The following GMNC variants were observed in gnomAD, a reference collection of about 807,000 sequenced individuals.
The protein encoded by GMNC is geminin coiled-coil domain containing.
GMNC carries 16 observed loss-of-function variants against 33.6 expected under a neutral mutation model. The observed-to-expected ratio is 0.48, with a 90% CI of 0.32 to 0.72. The LOEUF is 0.72. GMNC is among the 30% of genes least tolerant of loss of function. The pLI, the probability that GMNC is intolerant of heterozygous loss-of-function variation, is 0.03. For synonymous variants in GMNC, 156 were observed against 147.3 expected (o/e 1.06, Z -0.43); for missense variants, 393 against 388.9 (o/e 1.01, Z -0.09).
chr3:190,846,727 C>T, the GMNC span, among the ~76,000 whole-genome samples: 1 of 152,210 alleles, frequency 6.6e-6, no homozygotes, highest in African/African-American at 2.4e-5. Context: ...TCACTCTCAA[C>T]AGCCACTTGT....
chr3:190,861,233 T>C lies in GMNC; in HGVS notation c.4-375A>G, dbSNP rs1350686933. 2.0e-5 allele frequency among the ~76,000 whole-genome samples: 3 copies of C among 152,318 alleles called. No homozygotes were observed. The highest frequency in any genetic ancestry group is 3.9e-4 in the East Asian group (2 of 5,182). On this transcript the variant is annotated intron_variant, in intron 1 of 4. Coordinates refer to ENST00000442080, the MANE Select transcript of GMNC (RefSeq NM_001146686.3). The surrounding 1 kb of genome is among the most constrained non-coding windows in gnomAD (Gnocchi z 5.1). ...AATGATTCAAAACCATAAGAACTATTTGGTTCTTTCTGCAAATACCTTAAT... is the reference window on the plus strand; with the variant it reads ...AATGATTCAAAACCATAAGAACTATCTGGTTCTTTCTGCAAATACCTTAAT...
chr3:190,851,761 C>G (rs1476892818), downstream of GMNC, among the ~76,000 whole-genome samples: 1 of 151,920 alleles, frequency 6.6e-6, no homozygotes, highest in South Asian at 2.1e-4. Context: ...TTCGTTGCTC[C>G]ATTCGCTAAA....
chr3:190,843,292 T>C, the GMNC span, among the ~76,000 whole-genome samples: 8 of 152,060 alleles, frequency 5.3e-5, no homozygotes, highest in African/African-American at 1.7e-4. Flanking sequence ...ACAGTAGTCA[T>C]ACAATGGAAA....
chr3:190,845,150 C>A, the GMNC span, among the ~76,000 whole-genome samples: 1 of 152,156 alleles, frequency 6.6e-6, no homozygotes, highest in Non-Finnish European at 1.5e-5. Flanking sequence ...ACTTCCAAAT[C>A]AACCCTGAAA....
chr3:190,850,942 G>C (rs1472923175), downstream of GMNC, among the ~76,000 whole-genome samples: 1 of 150,994 alleles, frequency 6.6e-6, no homozygotes, highest in Non-Finnish European at 1.5e-5. Context: ...TTTAAAGTGA[G>C]TGAAGTTTAT....
chr3:190,846,680 C>T, the GMNC span, among the ~76,000 whole-genome samples: 18 of 152,138 alleles, frequency 1.2e-4, no homozygotes, highest in African/African-American at 4.1e-4. Flanking sequence ...CAGTTCATCT[C>T]AAAAAGCCTA....
At position 190,855,564 on chromosome 3, in the gene GMNC, T is replaced by C. The variant is rs1737714075; in HGVS notation, c.736A>G (p.Arg246Gly). 1 of 1,551,614 alleles carries C rather than the reference T, an allele frequency of 6.4e-7. No homozygotes were observed. Among genetic ancestry groups the C allele is most frequent in the Non-Finnish European group, 8.7e-7 (1 of 1,146,908 alleles). ...IPREDMPIDY[R>G]GDRTTPLHST... ...TGCAAGGGGGTTGTTCTGTCACCTC[T>C]ATAGTCAATTGGCATATCCTCTCTG... Residue 246 changes from arginine (R) to glycine (G), a missense_variant, in exon 5 of 5, where the codon AGA (arginine) becomes GGA (glycine). Arg to Gly is a moderately radical substitution (Grantham distance 125). Transcript: ENST00000442080.
downstream of GMNC, among the ~76,000 whole-genome samples, chr3:190,851,970 T>C (rs992071180): frequency 1.6e-4 from 25 of 151,944 alleles, no homozygotes; most frequent in African/African-American, 6.0e-4. Context: ...AAACTGGATG[T>C]CTGGTTATGT....
downstream of GMNC, among the ~76,000 whole-genome samples, chr3:190,849,901 T>C (rs1737607840): frequency 6.6e-6 from 1 of 152,206 alleles, no homozygotes; most frequent in Non-Finnish European, 1.5e-5. Flanking sequence ...AGGTATAAAA[T>C]TTATTTTCCG....
chr3:190,856,058 C>G (rs1341094066), intron 4 of GMNC, 143 bp from the exon 5 acceptor site: 3 of 620,276 alleles, frequency 4.8e-6, no homozygotes, highest in Middle Eastern at 8.7e-4. Flanking sequence ...TCTGTGATGA[C>G]AAGTTACTGC....
chr3:190,856,459 GAATA>G (rs1225494861), intron 4 of GMNC, among the ~76,000 whole-genome samples: 10 of 111,812 alleles, frequency 8.9e-5, no homozygotes, highest in Non-Finnish European at 1.6e-4. Flanking sequence ...AAATTTATAT[GAATA>G]AATATTTATA....
At position 190,853,309 on chromosome 3, in the gene GMNC, T is replaced by C. The variant is rs1447180907; in HGVS notation, c.*1986A>G. The C allele has an allele frequency of 6.6e-6, 1 of 152,102 alleles. No individual in the cohort carries two copies. The highest frequency in any genetic ancestry group is 2.1e-4 in the South Asian group (1 of 4,830). 9.4% of individuals were successfully genotyped at this position (152,102 alleles called of 1,614,324 possible). ...TCCTAGTGTCATAAAGTACAATAAT[T>C]CGAATCCTTAAATCTCTTATTCTAA... On this transcript the variant is annotated 3_prime_UTR_variant, in exon 5 of 5. Coordinates refer to ENST00000442080, the MANE Select transcript of GMNC (RefSeq NM_001146686.3).
chr3:190,860,960 G>GA (rs1389716325), intron 1 of GMNC, 102 bp from the exon 2 acceptor site: 5 of 737,318 alleles, frequency 6.8e-6, no homozygotes, highest in Non-Finnish European at 1.1e-5. Context: ...TACATGCAGT[G>GA]AAATATAAAG....
At chr3:190,843,912 G>A in the GMNC span, among the ~76,000 whole-genome samples, 2 of 151,972 alleles carry the variant, frequency 1.3e-5, no homozygotes, top group Non-Finnish European at 1.5e-5. Flanking sequence ...AAAAGTCTCA[G>A]AATTAATTTA....
In GMNC at chr3:190,857,871, T is replaced by A. The variant is rs201964563; in HGVS notation, c.296A>T (p.Glu99Val). The change falls in exon 4 of 5, where the codon GAA (glutamate) becomes GTA (valine). Residue 99 changes from glutamate to valine, a missense_variant. Physicochemically the swap from Glu to Val is moderately radical, Grantham distance 121 (BLOSUM62 -2). Coordinates refer to ENST00000442080, the MANE Select transcript of GMNC (RefSeq NM_001146686.3). ...QLQDTLVQKE[E>V]ELARLHEENN... ...CTCTTCGTGTAACCTGGCGAGTTCT[T>A]CTTCCTTCTGCACCAGGGTATCTTG... is the stretch of plus-strand genomic sequence containing the variant. 6.7e-4 allele frequency: 1,037 copies of A among 1,549,872 alleles called. No homozygotes were observed. Among genetic ancestry groups the A allele is most frequent in the Non-Finnish European group, 8.1e-4 (923 of 1,145,350 alleles).
the GMNC span, among the ~76,000 whole-genome samples, chr3:190,846,209 CAG>C: frequency 4.6e-5 from 7 of 151,778 alleles, no homozygotes; most frequent in African/African-American, 1.7e-4. Flanking sequence ...ACCTGGGTGA[CAG>C]AGTGAGACCA....
chr3:190,848,109 T>G (rs188112605), downstream of GMNC, among the ~76,000 whole-genome samples: 1 of 152,312 alleles, frequency 6.6e-6, no homozygotes, highest in Admixed American at 6.5e-5. Context: ...GATACCAATG[T>G]CAATCAACAT....
the GMNC span, among the ~76,000 whole-genome samples, chr3:190,845,839 C>A: frequency 6.6e-6 from 1 of 151,988 alleles, no homozygotes; most frequent in Non-Finnish European, 1.5e-5. Context: ...TACTTTTTTA[C>A]AAAACAACTA....
intron 4 of GMNC, 86 bp downstream of exon 4, chr3:190,857,695 CTG>C: frequency 1.4e-6 from 1 of 701,868 alleles, no homozygotes; most frequent in South Asian, 1.7e-5. Context: ...TCAAGATACA[CTG>C]TTTAATCAAG....
Sources: allele counts gnomAD v4.1 joint callset (sites outside exome capture counted in the v4.1 genomes callset), GRCh38; gene constraint gnomAD v4.1.1; non-coding constraint Gnocchi (gnomAD v3.1); transcripts MANE v1.5; gene names NCBI Gene and HGNC (gene_info 2026-07-23, HGNC 2026-07-21).